FLNB: variants seen among roughly 807,000 people sequenced by gnomAD.
The protein encoded by FLNB is filamin-B.
Under a neutral mutation model 250.6 loss-of-function variants are expected in FLNB, and 111 were observed. The ratio of observed to expected loss-of-function variants is 0.44; its 90% confidence interval spans 0.38 to 0.52. FLNB has a LOEUF of 0.52. FLNB is among the 20% of genes least tolerant of loss of function. The probability of loss-of-function intolerance (pLI) is 0.00; values close to 1 mark genes in which losing one functional copy is unlikely to be tolerated. For missense variants in FLNB, 2,869 were observed against 3,447.8 expected, an observed-to-expected ratio of 0.83 and a Z score of 4.20; for synonymous variants, 1,302 against 1,372.1, an observed-to-expected ratio of 0.95 and a Z score of 1.13.
In FLNB at chr3:58,104,150, A is replaced by G. The variant is rs1522386; in HGVS notation, c.1610+65A>G. 0.68 allele frequency: 1,067,055 copies of G among 1,557,746 alleles called. 368,796 individuals are homozygous for G. The highest frequency in any genetic ancestry group is 1 in the East Asian group (44,315 of 44,366). ...CTCGGCCCAGGGCGGACTCATGGGT[A>G]GTTGCTTCCCGGGCTGCAGGAGGGA... On this transcript the variant is annotated intron_variant, in intron 10 of 45. Coordinates refer to ENST00000295956, the MANE Select transcript of FLNB (RefSeq NM_001457.4).
intron 1 of FLNB, among the ~76,000 whole-genome samples, chr3:58,021,877 C>T (rs11927339): frequency 0.31 from 47,682 of 152,010 alleles, 8,545 homozygotes; most frequent in Middle Eastern, 0.46. Context: ...TTGGCTCAAG[C>T]GATCCTCCCA....
chr3:58,093,653 ACACACACC>A (rs1481583591), intron 4 of FLNB, among the ~76,000 whole-genome samples: 3 of 129,820 alleles, frequency 2.3e-5, no homozygotes, highest in East Asian at 3.1e-4. Flanking sequence ...ACACACACAC[ACACACACC>A]CCTATGCACA....
rs9813180 is a variant in FLNB, at chr3:58,093,222, C to T, written c.788-1614C>T. 9.5e-3 allele frequency among the ~76,000 whole-genome samples: 1,447 copies of T among 152,176 alleles called. 27 individuals carry two copies. Among genetic ancestry groups the T allele is most frequent in the African/African-American group, 0.033 (1,377 of 41,488 alleles). ...ATGATGCCCCAGATGAAGAGGTGCA[C>T]GGGGCAAAGTTTAGAGGCGTTTTGA... is the stretch of plus-strand genomic sequence containing the variant. On this transcript the variant is annotated intron_variant, in intron 4 of 45. Transcript: ENST00000295956.
chr3:58,019,774 G>A (rs545328160), intron 1 of FLNB, among the ~76,000 whole-genome samples: 1 of 152,222 alleles, frequency 6.6e-6, no homozygotes, highest in South Asian at 2.1e-4. Flanking sequence ...AACTTTTTGG[G>A]GGCTACTTAC....
intron 24 of FLNB, among the ~76,000 whole-genome samples, chr3:58,127,605 C>G (rs1170429970): frequency 6.6e-6 from 1 of 152,182 alleles, no homozygotes. Flanking sequence ...TGCCCTGTAC[C>G]TGCTAGATGC....
At chr3:58,130,388 C>T (rs981873330) in intron 24 of FLNB, among the ~76,000 whole-genome samples, 1 of 152,132 alleles carries the variant, frequency 6.6e-6, no homozygotes, top group Admixed American at 6.5e-5. Context: ...TCTGGTCTCC[C>T]GCAGACCAGG....
At chr3:58,109,053 A>T in intron 13 of FLNB, 126 bp from the exon 14 acceptor site, 3 of 1,005,584 alleles carry the variant, frequency 3.0e-6, no homozygotes, top group South Asian at 1.3e-5. Context: ...GGCACATTGT[A>T]GTTGGTCCAT....
intron 25 of FLNB, 44 bp downstream of exon 25, chr3:58,130,952 G>C: frequency 6.3e-7 from 1 of 1,579,368 alleles, no homozygotes; most frequent in Non-Finnish European, 8.6e-7. Flanking sequence ...ATCTGCCCCA[G>C]GCAGGGGCAG....
chr3:58,145,512 G>T (rs2097334425), intron 32 of FLNB, among the ~76,000 whole-genome samples: 1 of 152,172 alleles, frequency 6.6e-6, no homozygotes, highest in African/African-American at 2.4e-5. Context: ...GAAGACCACT[G>T]TGGGGTTGAT....
chr3:58,079,132 A>G (rs2097205559), intron 3 of FLNB, among the ~76,000 whole-genome samples: 1 of 152,254 alleles, frequency 6.6e-6, no homozygotes, highest in Non-Finnish European at 1.5e-5. Context: ...ACCCCAGACT[A>G]CAAATATGGA....
chr3:58,073,468 C>T (rs2097197557), intron 1 of FLNB, among the ~76,000 whole-genome samples: 1 of 152,100 alleles, frequency 6.6e-6, no homozygotes, highest in Non-Finnish European at 1.5e-5. Context: ...CTTGATTGAC[C>T]ACAGGACCTC....
intron 41 of FLNB, 61 bp from the exon 42 acceptor site, chr3:58,159,493 G>C (rs566817061): frequency 6.3e-7 from 1 of 1,577,814 alleles, no homozygotes; most frequent in Non-Finnish European, 8.7e-7. Context: ...GGTAGGGTCA[G>C]TGTGTGCCAC....
chr3:58,078,399 C>G (rs1379930613), intron 2 of FLNB: 1 of 1,528,820 alleles, frequency 6.5e-7, no homozygotes, highest in Non-Finnish European at 8.7e-7. Flanking sequence ...AAAATAAAAT[C>G]CCTCCTGCAT....
Position 58,122,788 on chromosome 3 carries a change from T to C in FLNB, c.3127-305T>C, listed in dbSNP as rs12488636. Among the ~76,000 whole-genome samples the C allele has an allele frequency of 0.49, 74,271 of 152,056 alleles. 21,011 individuals carry two copies. The highest frequency in any genetic ancestry group is 0.97 in the East Asian group (5,028 of 5,164). On this transcript the variant is annotated intron_variant, in intron 20 of 45. Transcript: ENST00000295956. The stretch of plus-strand genomic sequence containing the variant: ...ATCTTTGTTGGAATGGACATTAGGT[T>C]TCCAAGTCCAGGCCTGTGATTTAGA...
rs1209999798 is a variant in FLNB at position 58,096,238 on chromosome 3, C to G, written c.984+20C>G. ...CACAAAGTAAGATGAAGCAGCATGG[C>G]TGTGGCTTGGGCTGCTCTGGGGCTA... On this transcript the variant is annotated intron_variant, in intron 6 of 45. Transcript: ENST00000295956. 1.3e-6 allele frequency: 2 copies of G among 1,587,904 alleles called. No homozygotes were observed. Among genetic ancestry groups the G allele is most frequent in the Non-Finnish European group, 1.7e-6 (2 of 1,156,516 alleles).
intron 1 of FLNB, among the ~76,000 whole-genome samples, chr3:58,033,408 G>C (rs1281559853): frequency 7.0e-6 from 1 of 142,716 alleles, no homozygotes; most frequent in Non-Finnish European, 1.5e-5. Flanking sequence ...GTTTTTTTTT[G>C]AGACAAGAGT....
Position 58,169,622 on chromosome 3 carries a change from G to A in FLNB, c.7450G>A (p.Glu2484Lys), listed in dbSNP as rs1481087344. 2.5e-6 allele frequency: 4 copies of A among 1,614,050 alleles called. No homozygotes were observed. Among genetic ancestry groups the A allele is most frequent in the Middle Eastern group, 1.6e-4 (1 of 6,084 alleles). Residue 2484 changes from glutamate (E) to lysine (K), a missense_variant, in exon 45 of 46, where the codon GAG (glutamate) becomes AAG (lysine). By Grantham distance (56) the Glu-to-Lys change is moderately conservative. Transcript: ENST00000295956. This position sits in a 1 kb window ranked among gnomAD's most constrained non-coding sequence, Gnocchi z 4.8. ...TCTAGTTAGCCCTGGCTCAGCCAACGAGACCTCATCCATCCTGGTGGAGTC... is the reference window on the plus strand; with the variant it reads ...TCTAGTTAGCCCTGGCTCAGCCAACAAGACCTCATCCATCCTGGTGGAGTC... ...QRLVSPGSAN[E>K]TSSILVESVT...
intron 1 of FLNB, among the ~76,000 whole-genome samples, chr3:58,029,466 T>G (rs2097127818): frequency 6.6e-6 from 1 of 151,956 alleles, no homozygotes; most frequent in Non-Finnish European, 1.5e-5. Flanking sequence ...TTCTGTTGGG[T>G]TTTTTGGGAG....
intron 1 of FLNB, among the ~76,000 whole-genome samples, chr3:58,050,021 CT>C (rs34910480): frequency 0.43 from 56,475 of 130,258 alleles, 8,401 homozygotes; most frequent in South Asian, 0.48. Context: ...TAGAAAATGC[CT>C]TTTTTTTTTT....
Sources: gnomAD v4.1 joint callset for allele counts (sites outside exome capture counted in the v4.1 genomes callset) on GRCh38, gnomAD v4.1.1 for gene constraint, Gnocchi (gnomAD v3.1) non-coding constraint, MANE v1.5 for transcripts, NCBI Gene and HGNC (gene_info 2026-07-23, HGNC 2026-07-21) for gene names.